AKAP17A: variants seen among roughly 807,000 people sequenced by gnomAD.
AKAP17A encodes the protein A-kinase anchoring protein 17A, also known as A-kinase anchor protein 17A.
Under a neutral mutation model 52.2 loss-of-function variants are expected in AKAP17A, and 15 were observed. That is an observed-to-expected ratio of 0.29 (90% CI 0.19 to 0.44). The LOEUF (loss-of-function observed/expected upper bound fraction) is 0.44. AKAP17A is among the 20% of genes least tolerant of loss of function. AKAP17A has a pLI of 1.00. For missense variants in AKAP17A, 1,060 were observed against 1,007.0 expected, an observed-to-expected ratio of 1.05 and a Z score of -0.71; for synonymous variants, 514 against 424.7, an observed-to-expected ratio of 1.21 and a Z score of -2.58.
In AKAP17A at chrX:1,600,893, C is replaced by T. The variant is rs1174384889; in HGVS notation, c.1387C>T (p.Leu463=). Residue 463 remains leucine (L), a synonymous_variant, in exon 5 of 5, where the codon CTG becomes TTG. Coordinates refer to ENST00000313871, the MANE Select transcript of AKAP17A (RefSeq NM_005088.3). ...CGAGCTGGGCGTGGCACACGCCGAC[C>T]TGCTGCAGCCCGTCCTGGACATCCT... is the stretch of plus-strand genomic sequence containing the variant. ...HDELGVAHAD[L]LQPVLDILQT... is the part of the protein sequence containing the mutation. 10 of 1,577,498 alleles carry T rather than the reference C, an allele frequency of 6.3e-6. No individual in the cohort carries two copies. The East Asian group carries it at 2.3e-4, about 36-fold the overall frequency.
intron 3 of AKAP17A, among the ~76,000 whole-genome samples, chrX:1,598,904 G>A (rs1265486945): frequency 2.0e-5 from 3 of 152,174 alleles, no homozygotes; most frequent in African/African-American, 4.8e-5. Flanking sequence ...CCTGACTGGG[G>A]GCGTGGCTTT....
chrX:1,601,209 C>T lies in AKAP17A; in HGVS notation c.1703C>T (p.Ser568Phe). 6.2e-7 allele frequency: 1 copy of T among 1,613,920 alleles called. No individual in the cohort carries two copies. Among genetic ancestry groups the T allele is most frequent in the Non-Finnish European group, 8.5e-7 (1 of 1,179,814 alleles). The change falls in exon 5 of 5, where the codon TCC becomes TTC. Residue 568 changes from serine (S) to phenylalanine (F), a missense_variant. Around this residue, in one of 2 missense-constraint regions of AKAP17A, gnomAD observed 793 missense variants for 629.9 expected, o/e 1.26. Coordinates refer to ENST00000313871, the MANE Select transcript of AKAP17A (RefSeq NM_005088.3). The part of the protein sequence containing the change: ...KGIPACEQNV[S>F]RKDTRSEQDK... ...ATCCCTGCCTGCGAGCAGAATGTCT[C>T]CAGAAAGGACACCCGGTCAGAACAG... is the stretch of plus-strand genomic sequence containing the variant.
Position 1,593,346 on chromosome X carries a change from C to G in AKAP17A, c.-19-98C>G, listed in dbSNP as rs751373887. 2.4e-6 allele frequency: 3 copies of G among 1,237,624 alleles called. No homozygotes were observed. The African/African-American group carries it at 4.5e-5, about 19-fold the overall frequency. The allele number at this position is 1,237,624 out of a possible 1,614,324, so 76.7% of individuals were successfully genotyped here. A position where few individuals can be genotyped will look rare whatever the true frequency, so the allele number is the denominator to read the frequency against. On this transcript the variant is annotated intron_variant, in intron 1 of 4. Coordinates refer to ENST00000313871, the MANE Select transcript of AKAP17A (RefSeq NM_005088.3). Reference sequence around the variant, plus strand: ...ACGGCAGAGAGACACTGCTGTTTCTCTTCTCCGGGTCCAGAAAGTGCCTGC... The same window carrying G: ...ACGGCAGAGAGACACTGCTGTTTCTGTTCTCCGGGTCCAGAAAGTGCCTGC...
chrX:1,594,307 C>A, intron 2 of AKAP17A, 83 bp downstream of exon 2: 1 of 1,458,854 alleles, frequency 6.9e-7, no homozygotes, highest in Non-Finnish European at 9.1e-7. Context: ...CGCTCCCAGC[C>A]ACACCCCTGA....
Position 1,601,508 on chromosome X carries a change from A to G in AKAP17A, c.2002A>G (p.Ser668Gly). 2 of 1,522,412 alleles carry G rather than the reference A, an allele frequency of 1.3e-6. No individual in the cohort carries two copies. Among genetic ancestry groups the G allele is most frequent in the Non-Finnish European group, 1.7e-6 (2 of 1,146,128 alleles). 94.3% of individuals were successfully genotyped at this position (1,522,412 alleles called of 1,614,324 possible). The change falls in exon 5 of 5, where the codon AGC becomes GGC. Residue 668 changes from serine to glycine, a missense_variant. Ser to Gly is a moderately conservative substitution (Grantham distance 56, BLOSUM62 0). Transcript: ENST00000313871. ...GAGCCGGGAGCGGAGGGGCAGCGCC[A>G]GCAGGAAGCACAGCCGCCACCGCCG... ...ERSRERRGSA[S>G]RKHSRHRRRS...
intron 4 of AKAP17A, chrX:1,599,693 C>T (rs1175240126): frequency 4.8e-5 from 31 of 646,520 alleles, no homozygotes; most frequent in East Asian, 3.8e-4. Flanking sequence ...GGCAGCCTCC[C>T]GGGGGCCAGG....
In AKAP17A at chrX:1,593,585, G is replaced by T. The variant is rs775775869; in HGVS notation, c.123G>T (p.Gln41His). Residue 41 changes from glutamine to histidine, a missense_variant, in exon 2 of 5, where the codon CAG (glutamine) becomes CAT (histidine). Physicochemically the swap from Gln to His is conservative, Grantham distance 24 (BLOSUM62 0). Coordinates refer to ENST00000313871, the MANE Select transcript of AKAP17A (RefSeq NM_005088.3). ...TISVALPQLK[Q>H]PGKSISNWEV... ...GCGTGGCACTCCCGCAGCTGAAGCA[G>T]CCGGGGAAGTCCATCTCCAACTGGG... The T allele has an allele frequency of 1.9e-6, 3 of 1,613,848 alleles. No homozygotes were observed. In the South Asian group the frequency reaches 3.3e-5, roughly 18 times the overall value.
chrX:1,599,437 C>G lies in AKAP17A; in HGVS notation c.1152+5C>G, dbSNP rs1372704811. 6.4e-7 allele frequency: 1 copy of G among 1,558,232 alleles called. No individual in the cohort carries two copies. The highest frequency in any genetic ancestry group is 8.7e-7 in the Non-Finnish European group (1 of 1,152,112). Reference sequence around the variant, plus strand: ...GAGCTGCTCAGCAGAGCCAAGGTACCCGGGGGCTCCCTCTGCAGCCGCCAG... The same window carrying G: ...GAGCTGCTCAGCAGAGCCAAGGTACGCGGGGGCTCCCTCTGCAGCCGCCAG... On this transcript the variant is annotated splice_donor_5th_base_variant and intron_variant, in intron 4 of 4. Transcript: ENST00000313871.
chrX:1,595,407 C>T lies in AKAP17A; in HGVS notation c.786C>T (p.His262=), dbSNP rs1488266663. ...AGGTTTCTTTTGATTCGACCAAACACCTGAGTGATGCCTCAATTAAGAAGC... is the reference window on the plus strand; with the variant it reads ...AGGTTTCTTTTGATTCGACCAAACATCTGAGTGATGCCTCAATTAAGAAGC... The part of the protein sequence containing the change: ...NIKVSFDSTK[H]LSDASIKKRQ... Residue 262 remains histidine, a synonymous_variant, in exon 3 of 5, where the codon CAC becomes CAT. Coordinates refer to ENST00000313871, the MANE Select transcript of AKAP17A (RefSeq NM_005088.3). 6.2e-7 allele frequency: 1 copy of T among 1,613,882 alleles called. No homozygotes were observed. Among genetic ancestry groups the T allele is most frequent in the African/African-American group, 1.3e-5 (1 of 74,932 alleles).
At position 1,593,659 on chromosome X, in the gene AKAP17A, C is replaced by T. The variant is rs765870558; in HGVS notation, c.197C>T (p.Thr66Met). 17 of 1,613,836 alleles carry T rather than the reference C, an allele frequency of 1.1e-5. No individual in the cohort carries two copies. Among genetic ancestry groups the T allele is most frequent in the African/African-American group, 4.0e-5 (3 of 74,930 alleles). Residue 66 changes from threonine (T) to methionine (M), a missense_variant, in exon 2 of 5, where the codon ACG (threonine) becomes ATG (methionine). Physicochemically the swap from Thr to Met is moderately conservative, Grantham distance 81. This residue lies in a region of AKAP17A where 267 missense variants were observed against 377.1 expected (regional missense o/e 0.71). Coordinates refer to ENST00000313871, the MANE Select transcript of AKAP17A (RefSeq NM_005088.3). The stretch of plus-strand genomic sequence containing the variant: ...ATGGTGCAGAACCACCAGTTCTCCA[C>T]GCTGCGTATTTCCAAGAGCACCATG... Reference protein sequence around the residue: ...KGMVQNHQFSTLRISKSTMDF... With the variant: ...KGMVQNHQFSMLRISKSTMDF...
chrX:1,593,859 G>A lies in AKAP17A; in HGVS notation c.397G>A (p.Asp133Asn). The A allele has an allele frequency of 6.2e-7, 1 of 1,612,630 alleles. No individual in the cohort carries two copies. The highest frequency in any genetic ancestry group is 8.5e-7 in the Non-Finnish European group (1 of 1,179,134). The change falls in exon 2 of 5, where the codon GAC becomes AAC. Residue 133 changes from aspartate (D) to asparagine (N), a missense_variant. Asp to Asn is a conservative substitution (Grantham distance 23). Around this residue, in one of 2 missense-constraint regions of AKAP17A, gnomAD observed 267 missense variants for 377.1 expected, o/e 0.71. Coordinates refer to ENST00000313871, the MANE Select transcript of AKAP17A (RefSeq NM_005088.3). ...CCACGACTGGGACTCCTTCTTCCGC[G>A]ACGCCAAGGACATGAACGAGACCCT... Reference protein sequence around the residue: ...TRHDWDSFFRDAKDMNETLPG... With the variant: ...TRHDWDSFFRNAKDMNETLPG...
chrX:1,593,819 C>G lies in AKAP17A; in HGVS notation c.357C>G (p.Ile119Met). 2 of 1,610,328 alleles carry G rather than the reference C, an allele frequency of 1.2e-6. No homozygotes were observed. Among genetic ancestry groups the G allele is most frequent in the Admixed American group, 1.7e-5 (1 of 59,874 alleles). ...AGGTGCGCGCGGCCGAGTTCAAGATCGACTTCCCCACCCGCCACGACTGGG... is the reference window on the plus strand; with the variant it reads ...AGGTGCGCGCGGCCGAGTTCAAGATGGACTTCCCCACCCGCCACGACTGGG... ...ILKVRAAEFK[I>M]DFPTRHDWDS... The change falls in exon 2 of 5, where the codon ATC becomes ATG. Residue 119 changes from isoleucine (I) to methionine (M), a missense_variant. Ile to Met is a conservative substitution (Grantham distance 10, BLOSUM62 1). This residue lies in a region of AKAP17A where 267 missense variants were observed against 377.1 expected (regional missense o/e 0.71). Transcript: ENST00000313871.
At chrX:1,599,118 G>T in intron 3 of AKAP17A, 74 bp from the exon 4 acceptor site, 1 of 1,565,580 alleles carries the variant, frequency 6.4e-7, no homozygotes, top group Non-Finnish European at 8.6e-7. Flanking sequence ...GCCGTGTTTG[G>T]AAAGCCGCTT....
Position 1,595,388 on chromosome X carries a change from C to A in AKAP17A, c.767C>A (p.Ser256Tyr). Reference sequence around the variant, plus strand: ...ACACTGTTTTTGCTTTTAAAGGTTTCTTTTGATTCGACCAAACACCTGAGT... The same window carrying A: ...ACACTGTTTTTGCTTTTAAAGGTTTATTTTGATTCGACCAAACACCTGAGT... ...GKAVACNIKV[S>Y]FDSTKHLSDA... is the part of the protein sequence containing the mutation. The change falls in exon 3 of 5, where the codon TCT becomes TAT. Residue 256 changes from serine to tyrosine, a missense_variant. Physicochemically the swap from Ser to Tyr is moderately radical, Grantham distance 144. Transcript: ENST00000313871. The A allele has an allele frequency of 6.2e-7, 1 of 1,613,870 alleles. No homozygotes were observed. The highest frequency in any genetic ancestry group is 8.5e-7 in the Non-Finnish European group (1 of 1,179,852).
At position 1,595,403 on chromosome X, in the gene AKAP17A, A is replaced by G; in HGVS notation, c.782A>G (p.Lys261Arg). 6.2e-7 allele frequency: 1 copy of G among 1,613,980 alleles called. No homozygotes were observed. Among genetic ancestry groups the G allele is most frequent in the Non-Finnish European group, 8.5e-7 (1 of 1,179,870 alleles). Residue 261 changes from lysine to arginine, a missense_variant, in exon 3 of 5, where the codon AAA (lysine) becomes AGA (arginine). By Grantham distance (26) the Lys-to-Arg change is conservative (BLOSUM62 2). Transcript: ENST00000313871. ...CNIKVSFDSTKHLSDASIKKR... is the reference protein window; with the variant it reads ...CNIKVSFDSTRHLSDASIKKR... ...TTAAAGGTTTCTTTTGATTCGACCA[A>G]ACACCTGAGTGATGCCTCAATTAAG...
At chrX:1,595,558 G>A (rs370546682) in intron 3 of AKAP17A, 26 bp downstream of exon 3, 22 of 1,612,708 alleles carry the variant, frequency 1.4e-5, no homozygotes, top group South Asian at 1.1e-4. Context: ...GCGGGCCCTC[G>A]GCGCTGGTGT....
intron 4 of AKAP17A, chrX:1,600,143 A>G (rs753277159): frequency 2.3e-6 from 3 of 1,302,298 alleles, no homozygotes; most frequent in East Asian, 1.1e-4. Flanking sequence ...TACAGTTGTG[A>G]TAAGTCCCCG....
chrX:1,600,134 A>G (rs1933275979), intron 4 of AKAP17A: 6 of 1,301,304 alleles, frequency 4.6e-6, no homozygotes, highest in Non-Finnish European at 6.0e-6. Context: ...TTGTCTGATT[A>G]CAGTTGTGAT....
In AKAP17A at chrX:1,601,720, C is replaced by G; in HGVS notation, c.*126C>G. 1.2e-6 allele frequency: 1 copy of G among 867,562 alleles called. No individual in the cohort carries two copies. The highest frequency in any genetic ancestry group is 1.8e-5 in the African/African-American group (1 of 56,440). 53.7% of individuals were successfully genotyped at this position (867,562 alleles called of 1,614,324 possible). ...AAGACCCTTCTGCAGCCACGAATGT[C>G]CACGGAGCCCGCCGGCAGGAAGGAA... is the stretch of plus-strand genomic sequence containing the variant. On this transcript the variant is annotated 3_prime_UTR_variant, in exon 5 of 5. Transcript: ENST00000313871.
Sources: allele counts gnomAD v4.1 joint callset (sites outside exome capture counted in the v4.1 genomes callset), GRCh38; gene constraint gnomAD v4.1.1; regional missense constraint gnomAD v4.1.1; transcripts MANE v1.5; gene names NCBI Gene and HGNC (gene_info 2026-07-23, HGNC 2026-07-21).